Variants in TMEM87A observed in about 807,000 individuals in gnomAD.
TMEM87A encodes Golgi-pH regulating cation channel.
In TMEM87A, 50 loss-of-function variants were observed where a neutral mutation model predicts 90.0. The ratio of observed to expected loss-of-function variants is 0.56; its 90% CI spans 0.44 to 0.70. The LOEUF (loss-of-function observed/expected upper bound fraction) is 0.70. Among genes scored for constraint, TMEM87A ranks in the 30% least tolerant of loss-of-function variants. The probability of loss-of-function intolerance (pLI) is 0.00; values close to 1 mark genes in which losing one functional copy is unlikely to be tolerated. For synonymous variants in TMEM87A, 226 were observed against 226.7 expected (o/e 1.00, Z 0.03); for missense variants, 577 against 660.5 (o/e 0.87, Z 1.39).
At chr15:42,237,886 A>G (rs552666908) in intron 8 of TMEM87A, among the ~76,000 whole-genome samples, 3 of 152,318 alleles carry the variant, frequency 2.0e-5, no homozygotes, top group African/African-American at 4.8e-5. Context: ...TAGTTAAGAA[A>G]TAATTCTTCC....
intron 14 of TMEM87A, among the ~76,000 whole-genome samples, chr15:42,227,452 G>A (rs2050614705): frequency 6.6e-6 from 1 of 152,024 alleles, no homozygotes; most frequent in Admixed American, 6.6e-5. Context: ...CTGGGTTATA[G>A]CACACTGTAG....
At chr15:42,223,999 C>G (rs1392260171) in intron 15 of TMEM87A, among the ~76,000 whole-genome samples, 1 of 152,158 alleles carries the variant, frequency 6.6e-6, no homozygotes, top group African/African-American at 2.4e-5. Flanking sequence ...AATCCAAGCC[C>G]ACTCATTAAA....
At chr15:42,230,816 C>T (rs930589891) in intron 12 of TMEM87A, among the ~76,000 whole-genome samples, 1 of 152,108 alleles carries the variant, frequency 6.6e-6, no homozygotes, top group East Asian at 1.9e-4. Flanking sequence ...AGTTTCAAAG[C>T]ATTTAAGAAT....
intron 15 of TMEM87A, chr15:42,224,457 T>C (rs1352589680): frequency 6.6e-6 from 1 of 152,242 alleles, no homozygotes; most frequent in Non-Finnish European, 1.5e-5. Context: ...AAGAACTGAC[T>C]TGATGTACTT....
At chr15:42,231,785 AGAGT>A (rs2050689534) in intron 11 of TMEM87A, 3 of 867,192 alleles carry the variant, frequency 3.5e-6, no homozygotes, top group Non-Finnish European at 4.6e-6. Context: ...GAGTTTATAT[AGAGT>A]ATGTTTTTTA....
intron 19 of TMEM87A, among the ~76,000 whole-genome samples, chr15:42,213,343 T>A (rs912523114): frequency 1.3e-5 from 2 of 152,204 alleles, no homozygotes; most frequent in Non-Finnish European, 2.9e-5. Flanking sequence ...ATGAGCTCAC[T>A]ACAGCCGCTC....
At chr15:42,216,668 T>C (rs2050388207) in intron 19 of TMEM87A, among the ~76,000 whole-genome samples, 1 of 152,216 alleles carries the variant, frequency 6.6e-6, no homozygotes, top group Non-Finnish European at 1.5e-5. Context: ...CAAAGTGTTA[T>C]GTAGATAGGT....
chr15:42,233,078 A>G (rs2050713401), intron 11 of TMEM87A, 135 bp downstream of exon 11: 1 of 638,300 alleles, frequency 1.6e-6, no homozygotes, highest in Non-Finnish European at 2.7e-6. Context: ...AACTATACAT[A>G]TATTTTGAAA....
chr15:42,256,618 G>A (rs181579937), intron 6 of TMEM87A, among the ~76,000 whole-genome samples: 5 of 152,298 alleles, frequency 3.3e-5, no homozygotes, highest in African/African-American at 9.6e-5. Context: ...CAAGACTCAA[G>A]CCTTGAGTAG....
intron 2 of TMEM87A, among the ~76,000 whole-genome samples, chr15:42,269,846 G>C (rs2051480114): frequency 7.3e-6 from 1 of 137,888 alleles, no homozygotes; most frequent in Non-Finnish European, 1.6e-5. Context: ...TGAGGCAGGA[G>C]AATGGCGTGA....
intron 12 of TMEM87A, among the ~76,000 whole-genome samples, chr15:42,229,991 A>C (rs1238827102): frequency 6.6e-6 from 1 of 152,076 alleles, no homozygotes; most frequent in Non-Finnish European, 1.5e-5. Context: ...ATGCCTGATG[A>C]ATTTTTGTAT....
intron 6 of TMEM87A, among the ~76,000 whole-genome samples, chr15:42,252,242 C>T (rs539653402): frequency 8.5e-5 from 13 of 152,272 alleles, no homozygotes; most frequent in Admixed American, 2.6e-4. Flanking sequence ...GCTTGCCCTC[C>T]GTGGGCTGCA....
Position 42,236,177 on chromosome 15 carries a change from C to T in TMEM87A, c.968+143G>A, listed in dbSNP as rs894296107. 160 of 717,486 alleles carry T rather than the reference C, an allele frequency of 2.2e-4. 1 individual carries two copies. Among genetic ancestry groups the T allele is most frequent in the Non-Finnish European group, 3.2e-4 (135 of 420,984 alleles). 44.4% of individuals were successfully genotyped at this position (717,486 alleles called of 1,614,324 possible). On this transcript the variant is annotated intron_variant, in intron 10 of 19. Coordinates refer to ENST00000389834, the MANE Select transcript of TMEM87A (RefSeq NM_015497.5). ...ACACATTTTCCCAACATTTACAATG[C>T]TACAAAATTTCAAATACCTTTCTTG...
chr15:42,244,813 C>G (rs2050941117), intron 6 of TMEM87A, among the ~76,000 whole-genome samples: 1 of 149,168 alleles, frequency 6.7e-6, no homozygotes, highest in Non-Finnish European at 1.5e-5. Context: ...AAACAGAAGA[C>G]TAAGACACAA....
rs3035840 is a variant in TMEM87A at position 42,261,637 on chromosome 15, C to CTTTT, written c.406-392_406-389dup. Among the ~76,000 whole-genome samples, 4 of 143,758 alleles carry CTTTT rather than the reference C, an allele frequency of 2.8e-5. 1 individual carries two copies. The highest frequency in any genetic ancestry group is 7.0e-5 in the Admixed American group (1 of 14,344). The allele number at this position is 143,758 out of a possible 152,430, so 94.3% of individuals were successfully genotyped here. On this transcript the variant is annotated intron_variant, in intron 4 of 19. Coordinates refer to ENST00000389834, the MANE Select transcript of TMEM87A (RefSeq NM_015497.5). ...AGAAATAGGATTTAAACCTAATATTCTTTTTTTTTTTTTTGAGACGGAGTC... is the reference window on the plus strand; with the variant it reads ...AGAAATAGGATTTAAACCTAATATTCTTTTTTTTTTTTTTTTTTGAGACGGAGTC...
At chr15:42,258,820 G>C in intron 6 of TMEM87A, 1 of 1,468,602 alleles carries the variant, frequency 6.8e-7, no homozygotes, top group Non-Finnish European at 9.0e-7. Flanking sequence ...CTGGGGTTTA[G>C]GTAGTGAGAA....
At chr15:42,220,271 T>C (rs899772798) in intron 15 of TMEM87A, 136 bp from the exon 16 acceptor site, 1 of 645,002 alleles carries the variant, frequency 1.6e-6, no homozygotes, top group Non-Finnish European at 2.6e-6. Context: ...TAATATTTCT[T>C]CCCCTTCAGA....
Position 42,273,245 on chromosome 15 carries a change from G to T in TMEM87A, c.144+10C>A, listed in dbSNP as rs368047226. ...CTCTAGGTTCAGACGTTAGTGAAGT[G>T]AATACTCACCGACGGTATCGGAATG... On this transcript the variant is annotated intron_variant, in intron 1 of 19. Coordinates refer to ENST00000389834, the MANE Select transcript of TMEM87A (RefSeq NM_015497.5). The T allele has an allele frequency of 3.1e-6, 5 of 1,613,484 alleles. No homozygotes were observed. Among genetic ancestry groups the T allele is most frequent in the Non-Finnish European group, 4.2e-6 (5 of 1,179,704 alleles).
Position 42,243,388 on chromosome 15 carries a change from T to C in TMEM87A, c.622+662A>G, listed in dbSNP as rs138934541. Among the ~76,000 whole-genome samples the C allele has an allele frequency of 8.7e-3, 1,309 of 151,300 alleles. 15 individuals carry two copies. Among genetic ancestry groups the C allele is most frequent in the African/African-American group, 0.03 (1,251 of 41,300 alleles). On this transcript the variant is annotated intron_variant, in intron 7 of 19. Coordinates refer to ENST00000389834, the MANE Select transcript of TMEM87A (RefSeq NM_015497.5). The stretch of plus-strand genomic sequence containing the variant: ...GAAACAAGGGGGAAACCACAGGAAA[T>C]AAGACCAGTTAGGAAGTTCTTGGAA...
Sources: gnomAD v4.1 joint callset for allele counts (sites outside exome capture counted in the v4.1 genomes callset) on GRCh38, gnomAD v4.1.1 for gene constraint, MANE v1.5 for transcripts, NCBI Gene and HGNC (gene_info 2026-07-23, HGNC 2026-07-21) for gene names.